GCH1: variants seen among roughly 807,000 people sequenced by gnomAD.
The protein encoded by GCH1 is GTP cyclohydrolase I.
GCH1 carries 5 observed loss-of-function variants against 25.9 expected under a neutral mutation model. The ratio of observed to expected loss-of-function variants is 0.19; its 90% CI spans 0.10 to 0.41. The LOEUF (loss-of-function observed/expected upper bound fraction) is 0.41. Among genes scored for constraint, GCH1 ranks in the 10% least tolerant of loss-of-function variants. GCH1 has a pLI of 1.00. For synonymous variants in GCH1, 159 were observed against 129.6 expected, an observed-to-expected ratio of 1.23 and a Z score of -1.54; for missense variants, 261 against 336.5, an observed-to-expected ratio of 0.78 and a Z score of 1.75.
chr14:54,876,284 T>A (rs571176152), intron 1 of GCH1, among the ~76,000 whole-genome samples: 1 of 152,008 alleles, frequency 6.6e-6, no homozygotes. Context: ...TAGGTGGGAA[T>A]TGAACAATGA....
chr14:54,853,320 T>G (rs1186031412), intron 3 of GCH1, among the ~76,000 whole-genome samples: 1 of 152,206 alleles, frequency 6.6e-6, no homozygotes, highest in African/African-American at 2.4e-5. Flanking sequence ...GCCACACAGG[T>G]AGTACTAATT....
rs974345780 is a variant in GCH1, at chr14:54,843,406, G to A, written c.*611C>T. The A allele has an allele frequency of 2.3e-5, 28 of 1,233,016 alleles. No individual in the cohort carries two copies. Among genetic ancestry groups the A allele is most frequent in the Non-Finnish European group, 2.3e-5 (23 of 986,980 alleles). The allele number at this position is 1,233,016 out of a possible 1,614,324, so 76.4% of individuals were successfully genotyped here. ...TTCTTGAATTTAAAAACAATAGAAG[G>A]TAGAAATGTGCCTTTTTAACTCACA... is the stretch of plus-strand genomic sequence containing the variant. On this transcript the variant is annotated 3_prime_UTR_variant, in exon 6 of 6. Transcript: ENST00000491895.
chr14:54,901,362 C>CT (rs150565713), intron 1 of GCH1, among the ~76,000 whole-genome samples: 12,568 of 152,206 alleles, frequency 0.083, 597 homozygotes, highest in South Asian at 0.15. Flanking sequence ...AAGCCAGAAG[C>CT]TTTATTTTTT....
At chr14:54,882,394 A>C (rs770863353) in intron 1 of GCH1, among the ~76,000 whole-genome samples, 1 of 152,204 alleles carries the variant, frequency 6.6e-6, no homozygotes, top group African/African-American at 2.4e-5. Context: ...GTATACTATT[A>C]ACTCTCAAAG....
In GCH1 at chr14:54,843,292, C is replaced by T. The variant is rs1241875393; in HGVS notation, c.*725G>A. The T allele has an allele frequency of 1.5e-6, 2 of 1,353,222 alleles. No individual in the cohort carries two copies. Among genetic ancestry groups the T allele is most frequent in the Non-Finnish European group, 1.9e-6 (2 of 1,058,368 alleles). The allele number at this position is 1,353,222 out of a possible 1,614,324, so 83.8% of individuals were successfully genotyped here. A position where few individuals can be genotyped will look rare whatever the true frequency, so the allele number is the denominator to read the frequency against. On this transcript the variant is annotated 3_prime_UTR_variant, in exon 6 of 6. Coordinates refer to ENST00000491895, the MANE Select transcript of GCH1 (RefSeq NM_000161.3). ...AAGTATCTACACTCTAAATGATATT[C>T]TTATCAAGGCACAGAGAGTTAAATG...
At chr14:54,892,679 A>G (rs1297405022) in intron 1 of GCH1, among the ~76,000 whole-genome samples, 2 of 152,054 alleles carry the variant, frequency 1.3e-5, no homozygotes, top group African/African-American at 2.4e-5. Context: ...GAAGAGCAAG[A>G]CTCTATCTCA....
intron 1 of GCH1, among the ~76,000 whole-genome samples, chr14:54,880,858 T>C (rs2040261129): frequency 1.1e-5 from 1 of 91,984 alleles, no homozygotes; most frequent in African/African-American, 6.9e-5. Context: ...CATATATATA[T>C]ACTCCATAAT....
intron 2 of GCH1, among the ~76,000 whole-genome samples, chr14:54,864,912 C>T (rs1466548952): frequency 1.3e-5 from 2 of 152,082 alleles, no homozygotes; most frequent in African/African-American, 2.4e-5. Flanking sequence ...TATTGTTGCT[C>T]ATGACATGCC....
chr14:54,898,414 T>C (rs2040517261), intron 1 of GCH1, among the ~76,000 whole-genome samples: 1 of 152,206 alleles, frequency 6.6e-6, no homozygotes, highest in Admixed American at 6.5e-5. Context: ...GACATTACTG[T>C]ACACTACTGT....
At chr14:54,861,986 G>A (rs1352437713) in intron 2 of GCH1, among the ~76,000 whole-genome samples, 1 of 152,036 alleles carries the variant, frequency 6.6e-6, no homozygotes, top group Non-Finnish European at 1.5e-5. Context: ...TTCCAGATAC[G>A]ATATGGCTTC....
chr14:54,874,385 C>CA (rs1301808794), intron 1 of GCH1, among the ~76,000 whole-genome samples: 1 of 152,176 alleles, frequency 6.6e-6, no homozygotes, highest in East Asian at 1.9e-4. Flanking sequence ...CAGCCAATGT[C>CA]ATACTGAATG....
chr14:54,896,780 T>C (rs1595024819), intron 1 of GCH1, among the ~76,000 whole-genome samples: 1 of 149,096 alleles, frequency 6.7e-6, no homozygotes. Flanking sequence ...ATTAGCCGGG[T>C]GTGGTAGCGG....
intron 1 of GCH1, among the ~76,000 whole-genome samples, chr14:54,880,721 CATA>C (rs1394811395): frequency 2.7e-5 from 1 of 36,664 alleles, no homozygotes; most frequent in Non-Finnish European, 4.0e-5. Context: ...TATATATACT[CATA>C]TATATATATA....
intron 5 of GCH1, among the ~76,000 whole-genome samples, chr14:54,845,246 G>A (rs952788069): frequency 3.3e-5 from 5 of 152,080 alleles, no homozygotes; most frequent in South Asian, 4.2e-4. Context: ...TTGGGAGGCC[G>A]TGACGGGTGG....
intron 1 of GCH1, among the ~76,000 whole-genome samples, chr14:54,878,409 A>G (rs1320152760): frequency 6.6e-6 from 1 of 152,228 alleles, no homozygotes; most frequent in African/African-American, 2.4e-5. Context: ...AGAGACAGAG[A>G]GAAGTGCCTA....
intron 3 of GCH1, among the ~76,000 whole-genome samples, chr14:54,853,849 C>A (rs563754330): frequency 6.6e-6 from 1 of 152,056 alleles, no homozygotes; most frequent in Non-Finnish European, 1.5e-5. Flanking sequence ...TATTTATACA[C>A]ATGCAAAATT....
At chr14:54,846,761 A>G (rs1228636590) in intron 4 of GCH1, among the ~76,000 whole-genome samples, 1 of 152,220 alleles carries the variant, frequency 6.6e-6, no homozygotes, top group Non-Finnish European at 1.5e-5. Flanking sequence ...CTTTTTGTGT[A>G]GGAAAAATGT....
In GCH1 at chr14:54,863,737, G is replaced by C. The variant is rs553733836; in HGVS notation, c.453+1590C>G. Among the ~76,000 whole-genome samples, 3 of 152,174 alleles carry C rather than the reference G, an allele frequency of 2.0e-5. No homozygotes were observed. In the South Asian group the frequency reaches 6.2e-4, roughly 32 times the overall value. Reference sequence around the variant, plus strand: ...TGAAAAACAAGAAAACGAATCCATAGGGTTATAAGTTGATAAACTGATACA... The same window carrying C: ...TGAAAAACAAGAAAACGAATCCATACGGTTATAAGTTGATAAACTGATACA... On this transcript the variant is annotated intron_variant, in intron 2 of 5. Transcript: ENST00000491895.
intron 2 of GCH1, among the ~76,000 whole-genome samples, chr14:54,864,199 C>T (rs752270088): frequency 1.3e-4 from 20 of 151,964 alleles, no homozygotes; most frequent in Non-Finnish European, 2.6e-4. Flanking sequence ...AAGGAACACC[C>T]TTAAGTTTTA....
Sources: allele counts gnomAD v4.1 joint callset (sites outside exome capture counted in the v4.1 genomes callset), GRCh38; gene constraint gnomAD v4.1.1; transcripts MANE v1.5; gene names NCBI Gene and HGNC (gene_info 2026-07-23, HGNC 2026-07-21).